The following HBP1 variants were observed in gnomAD, a reference collection of about 807,000 sequenced individuals.
HBP1 encodes the protein HMG-box transcription factor 1, also known as HMG box-containing protein 1.
HBP1 carries 20 observed loss-of-function variants against 62.6 expected under a neutral mutation model. The ratio of observed to expected loss-of-function variants is 0.32; its 90% CI spans 0.22 to 0.46. HBP1 has a LOEUF of 0.46. Ranked by LOEUF, HBP1 falls within the 20% of genes least tolerant of loss-of-function variation. HBP1 has a pLI of 1.00. For synonymous variants in HBP1, 232 were observed against 206.2 expected (o/e 1.12, Z -1.07); for missense variants, 480 against 611.8 (o/e 0.78, Z 2.27).
intron 1 of HBP1, among the ~76,000 whole-genome samples, chr7:107,175,113 C>T (rs1411625963): frequency 6.6e-6 from 1 of 151,872 alleles, no homozygotes; most frequent in Admixed American, 6.6e-5. Context: ...TATAGGTGTT[C>T]CTGCATACTC....
rs1393493821 is a variant in HBP1 at position 107,169,065 on chromosome 7, C to T, written c.-136C>T. The T allele has an allele frequency of 9.3e-6, 12 of 1,287,988 alleles. No individual in the cohort carries two copies. Among genetic ancestry groups the T allele is most frequent in the Non-Finnish European group, 1.1e-5 (11 of 987,942 alleles). 79.8% of individuals were successfully genotyped at this position (1,287,988 alleles called of 1,614,324 possible). Reference sequence around the variant, plus strand: ...GTTTCGGTTGAGGAGTAAGAGCTGCCGCGGGAGCAGTAACCCGCGCGGGGG... The same window carrying T: ...GTTTCGGTTGAGGAGTAAGAGCTGCTGCGGGAGCAGTAACCCGCGCGGGGG... On this transcript the variant is annotated 5_prime_UTR_variant, in exon 1 of 11. Transcript: ENST00000222574.
intron 9 of HBP1, among the ~76,000 whole-genome samples, chr7:107,199,032 CTA>C (rs1406848021): frequency 6.6e-6 from 1 of 151,890 alleles, no homozygotes; most frequent in Non-Finnish European, 1.5e-5. Context: ...TAACCCAAGA[CTA>C]AAAGTTTTTT....
chr7:107,169,763 A>C (rs1016357747), intron 1 of HBP1: 25 of 983,092 alleles, frequency 2.5e-5, no homozygotes, highest in Non-Finnish European at 3.0e-5. Context: ...GCTGGGGCTG[A>C]GCCGAGGGGA....
chr7:107,179,995 G>A lies in HBP1; in HGVS notation c.102G>A (p.Leu34=). 6.2e-7 allele frequency: 1 copy of A among 1,610,418 alleles called. No individual in the cohort carries two copies. The highest frequency in any genetic ancestry group is 1.1e-5 in the South Asian group (1 of 90,868). ...CAGGAATGAATGACTCATTGGAGTTGCTGCAGTGTAATGAGAATTTGCCAT... is the reference window on the plus strand; with the variant it reads ...CAGGAATGAATGACTCATTGGAGTTACTGCAGTGTAATGAGAATTTGCCAT... ...RASGMNDSLE[L]LQCNENLPSS... The change falls in exon 2 of 11, where the codon TTG becomes TTA. Residue 34 remains leucine (L), a synonymous_variant. Coordinates refer to ENST00000222574, the MANE Select transcript of HBP1 (RefSeq NM_012257.4).
rs533895328 is a variant in HBP1, at chr7:107,172,013, T to C, written c.-16+2828T>C. Among the ~76,000 whole-genome samples, 7 of 152,096 alleles carry C rather than the reference T, an allele frequency of 4.6e-5. No individual in the cohort carries two copies. In the East Asian group the frequency reaches 1.4e-3, roughly 29 times the overall value. ...GCATATCACAAAATTCAGGGAAAAA[T>C]GGCATACTCTAATATTCTTATTAAT... On this transcript the variant is annotated intron_variant, in intron 1 of 10. Transcript: ENST00000222574.
chr7:107,171,020 T>G (rs955112759), intron 1 of HBP1, among the ~76,000 whole-genome samples: 3 of 140,266 alleles, frequency 2.1e-5, no homozygotes, highest in Non-Finnish European at 4.6e-5. Flanking sequence ...TGTATATATA[T>G]AAAATATATA....
rs1048848950 is a variant in HBP1 at position 107,201,084 on chromosome 7, TCA to T, written c.1528-327_1528-326del. 26 of 210,588 alleles carry T rather than the reference TCA, an allele frequency of 1.2e-4. No individual in the cohort carries two copies. The Middle Eastern group carries it at 6.4e-3, about 52-fold the overall frequency. The allele number at this position is 210,588 out of a possible 1,614,324, so 13.0% of individuals were successfully genotyped here. ...TGCAGGTCATATCTGTTTAAATTTT[TCA>T]CAATTTCTTTAAAAATAGTGGTCAG... On this transcript the variant is annotated intron_variant, in intron 10 of 10. Transcript: ENST00000222574.
chr7:107,170,135 T>TA (rs2115741711), intron 1 of HBP1: 1 of 970,614 alleles, frequency 1.0e-6, no homozygotes, highest in African/African-American at 1.8e-5. Flanking sequence ...AGCGAGGTAA[T>TA]ACTCAAGTTT....
In HBP1 at chr7:107,180,048, A is replaced by C. The variant is rs996063912; in HGVS notation, c.155A>C (p.Glu52Ala). ...PSSPGYNSCD[E>A]HMELDDLPEL... ...TCACCTGGATATAACTCCTGTGATG[A>C]ACACATGGAGCTTGGTAAGCAAAAT... The change falls in exon 2 of 11, where the codon GAA (glutamate) becomes GCA (alanine). Residue 52 changes from glutamate (E) to alanine (A), a missense_variant. Physicochemically the swap from Glu to Ala is moderately radical, Grantham distance 107. Transcript: ENST00000222574. The C allele has an allele frequency of 6.3e-7, 1 of 1,575,754 alleles. No individual in the cohort carries two copies. The highest frequency in any genetic ancestry group is 1.3e-5 in the African/African-American group (1 of 74,496).
Position 107,200,204 on chromosome 7 carries a change from A to G in HBP1, c.1430A>G (p.Asn477Ser). The change falls in exon 10 of 11, where the codon AAT becomes AGT. Residue 477 changes from asparagine (N) to serine (S), a missense_variant. Coordinates refer to ENST00000222574, the MANE Select transcript of HBP1 (RefSeq NM_012257.4). ...GGTGACAGGTGGAAGAAAATGAAGA[A>G]TGAAGAGAGAAGAATGTACACATTA... Reference protein sequence around the residue: ...ILGDRWKKMKNEERRMYTLEA... With the variant: ...ILGDRWKKMKSEERRMYTLEA... 7 of 1,610,452 alleles carry G rather than the reference A, an allele frequency of 4.3e-6. No homozygotes were observed. The highest frequency in any genetic ancestry group is 5.9e-6 in the Non-Finnish European group (7 of 1,177,620).
intron 3 of HBP1, 134 bp downstream of exon 3, chr7:107,182,735 C>A: frequency 1.7e-6 from 1 of 572,684 alleles, no homozygotes; most frequent in Non-Finnish European, 3.1e-6. Flanking sequence ...AGCTCCTTAT[C>A]TAATGATCAA....
chr7:107,173,675 T>G (rs1796710104), intron 1 of HBP1: 1 of 152,224 alleles, frequency 6.6e-6, no homozygotes, highest in African/African-American at 2.4e-5. Context: ...TGTCTTAAGA[T>G]TTTGTGGATA....
chr7:107,196,908 G>C (rs776793867), intron 9 of HBP1: 1 of 152,432 alleles, frequency 6.6e-6, no homozygotes, highest in African/African-American at 2.4e-5. Context: ...CAAAGTGCAA[G>C]ATCTACCTTT....
At chr7:107,173,426 G>T (rs1369844236) in intron 1 of HBP1, 2 of 151,900 alleles carry the variant, frequency 1.3e-5, no homozygotes, top group African/African-American at 2.4e-5. Flanking sequence ...ACCCATGCTG[G>T]CTTATACCTT....
chr7:107,172,622 A>G (rs1562883325), intron 1 of HBP1, among the ~76,000 whole-genome samples: 1 of 152,282 alleles, frequency 6.6e-6, no homozygotes, highest in East Asian at 1.9e-4. Flanking sequence ...TCAATATAGT[A>G]TTTCATGTTG....
intron 7 of HBP1, 133 bp from the exon 8 acceptor site, chr7:107,190,040 T>C: frequency 1.6e-6 from 1 of 634,348 alleles, no homozygotes; most frequent in South Asian, 2.7e-5. Flanking sequence ...TAAAGATACA[T>C]GACTTGTGTT....
chr7:107,173,249 C>T (rs1796687681), intron 1 of HBP1, among the ~76,000 whole-genome samples: 1 of 152,074 alleles, frequency 6.6e-6, no homozygotes, highest in Admixed American at 6.6e-5. Context: ...TGCAAATTAC[C>T]TTTTCTTCAC....
At chr7:107,198,967 A>T (rs1454454651) in intron 9 of HBP1, among the ~76,000 whole-genome samples, 1 of 152,122 alleles carries the variant, frequency 6.6e-6, no homozygotes, top group Non-Finnish European at 1.5e-5. Flanking sequence ...GATGACTGAG[A>T]TGGTGTGAAT....
At chr7:107,197,963 C>A (rs1318766207) in intron 9 of HBP1, among the ~76,000 whole-genome samples, 3 of 152,064 alleles carry the variant, frequency 2.0e-5, no homozygotes. Flanking sequence ...TCTTTTTGTA[C>A]ACTTCTGGTA....
Sources: gnomAD v4.1 joint callset for allele counts (sites outside exome capture counted in the v4.1 genomes callset) on GRCh38, gnomAD v4.1.1 for gene constraint, MANE v1.5 for transcripts, NCBI Gene and HGNC (gene_info 2026-07-23, HGNC 2026-07-21) for gene names.